VPS9D1: variants seen among roughly 807,000 people sequenced by gnomAD.
VPS9D1 encodes the protein VPS9 domain containing 1, also known as VPS9 domain-containing protein 1.
Under a neutral mutation model 75.8 loss-of-function variants are expected in VPS9D1, and 78 were observed. That is an observed-to-expected ratio of 1.03 (90% CI 0.86 to 1.24). The LOEUF is 1.24. Ranked by LOEUF, VPS9D1 falls within the 50% of genes most tolerant of loss-of-function variation. The pLI, the probability that VPS9D1 is intolerant of heterozygous loss-of-function variation, is 0.00. For missense variants in VPS9D1, 1,057 were observed against 847.7 expected, an observed-to-expected ratio of 1.25 and a Z score of -3.07; for synonymous variants, 481 against 385.6, an observed-to-expected ratio of 1.25 and a Z score of -2.90.
At chr16:89,708,744 T>C in intron 13 of VPS9D1, 113 bp downstream of exon 13, 1 of 1,250,690 alleles carries the variant, frequency 8.0e-7, no homozygotes, top group East Asian at 2.5e-5. Flanking sequence ...CTCCTGCTTC[T>C]ACAGTGCAGC....
chr16:89,709,059 G>A, intron 12 of VPS9D1, 103 bp from the exon 13 acceptor site: 2 of 1,265,108 alleles, frequency 1.6e-6, no homozygotes, highest in Non-Finnish European at 2.1e-6. Flanking sequence ...GCACGGCTGG[G>A]AAGAGCCACG....
At chr16:89,720,626 G>T (rs1437818168) in intron 1 of VPS9D1, 137 bp downstream of exon 1, 7 of 1,225,914 alleles carry the variant, frequency 5.7e-6, no homozygotes, top group Non-Finnish European at 7.1e-6. Context: ...CCTCGCCCGG[G>T]AACCGCGGCC....
rs1246946774 is a variant in VPS9D1, at chr16:89,710,899, G to C, written c.945C>G (p.Pro315=). 3 of 1,496,632 alleles carry C rather than the reference G, an allele frequency of 2.0e-6. No individual in the cohort carries two copies. The highest frequency in any genetic ancestry group is 2.5e-5 in the East Asian group (1 of 40,432). The allele number at this position is 1,496,632 out of a possible 1,614,324, so 92.7% of individuals were successfully genotyped here. The change falls in exon 10 of 15, where the codon CCC becomes CCG. Residue 315 remains proline (P), a synonymous_variant. Coordinates refer to ENST00000389386, the MANE Select transcript of VPS9D1 (RefSeq NM_004913.3). ...GTCGGCTTCCGGGGTTGGGGGTCGG[G>C]GGGCAGCAGCCTGGGGCTGGCGCGG... is the stretch of plus-strand genomic sequence containing the variant. ...RAAAPAPGCC[P]PTPNPGSRRL...
intron 4 of VPS9D1, among the ~76,000 whole-genome samples, chr16:89,714,746 T>C (rs1417023606): frequency 8.5e-5 from 13 of 152,118 alleles, no homozygotes; most frequent in African/African-American, 3.1e-4. Flanking sequence ...TCTTTCTTCT[T>C]TTTTTTTGAG....
At chr16:89,710,211 G>C (rs137954402) in intron 10 of VPS9D1, among the ~76,000 whole-genome samples, 7 of 152,294 alleles carry the variant, frequency 4.6e-5, no homozygotes, top group African/African-American at 1.7e-4. Context: ...CCTGTGGGTG[G>C]GGACCCTGAC....
At chr16:89,718,801 G>C (rs945720887) in intron 2 of VPS9D1, among the ~76,000 whole-genome samples, 2 of 150,192 alleles carry the variant, frequency 1.3e-5, no homozygotes, top group Admixed American at 1.3e-4. Flanking sequence ...TGCAACCTCT[G>C]CTCCCGGGTT....
chr16:89,714,834 A>T (rs1392690205), intron 4 of VPS9D1, among the ~76,000 whole-genome samples: 1 of 152,042 alleles, frequency 6.6e-6, no homozygotes. Flanking sequence ...TCCTGGGTTC[A>T]AGCGATTCTC....
At chr16:89,711,623 C>G (rs547310586) in intron 8 of VPS9D1, 5 of 646,634 alleles carry the variant, frequency 7.7e-6, no homozygotes, top group Middle Eastern at 4.2e-4. Context: ...CTCGCTGGGA[C>G]CCTCCCTCCT....
At chr16:89,714,574 T>G (rs560526684) in intron 4 of VPS9D1, among the ~76,000 whole-genome samples, 1 of 152,176 alleles carries the variant, frequency 6.6e-6, no homozygotes. Context: ...ACAAGGGGAC[T>G]GGGAAGCCAG....
chr16:89,720,267 A>T, intron 1 of VPS9D1: 1 of 413,568 alleles, frequency 2.4e-6, no homozygotes, highest in Non-Finnish European at 3.2e-6. Flanking sequence ...CGCCAACCTT[A>T]GATTCGGCCC....
chr16:89,711,540 A>C, intron 8 of VPS9D1, 128 bp from the exon 9 acceptor site: 1 of 940,122 alleles, frequency 1.1e-6, no homozygotes, highest in South Asian at 1.7e-5. Flanking sequence ...ACCCAGCGCC[A>C]GCAGGCCCCG....
At position 89,720,790 on chromosome 16, in the gene VPS9D1, G is replaced by T. The variant is rs546341547; in HGVS notation, c.72C>A (p.Ile24=). The stretch of plus-strand genomic sequence containing the variant: ...GGGGCCGGTTGCCGGTGTCCAGCTC[G>T]ATGGCCCCGTTGGCAAGCTTCATGG... The part of the protein sequence containing the change: ...QSAMKLANGA[I]ELDTGNRPRE... Residue 24 remains isoleucine (I), a synonymous_variant, in exon 1 of 15, where the codon ATC becomes ATA. Transcript: ENST00000389386. 1.2e-5 allele frequency: 18 copies of T among 1,459,676 alleles called. No homozygotes were observed. The highest frequency in any genetic ancestry group is 1.6e-5 in the Non-Finnish European group (18 of 1,102,658). 90.4% of individuals were successfully genotyped at this position (1,459,676 alleles called of 1,614,324 possible).
At chr16:89,717,574 C>T in intron 2 of VPS9D1, 1 of 456,550 alleles carries the variant, frequency 2.2e-6, no homozygotes, top group South Asian at 1.5e-5. Flanking sequence ...CCCTGCTGCC[C>T]TTCACAGAAA....
At chr16:89,718,115 G>A (rs2061132917) in intron 2 of VPS9D1, 1 of 451,948 alleles carries the variant, frequency 2.2e-6, no homozygotes, top group Admixed American at 2.4e-5. Context: ...GTGATCCTTT[G>A]TGCAGCGGCT....
In VPS9D1 at chr16:89,720,845, C is replaced by G. The variant is rs1423610719; in HGVS notation, c.17G>C (p.Gly6Ala). ...CTGCAGCGGCTTCACCGTGCCGTCC[C>G]CGGCCGCAGCGGCCATGGCGCCGAG... Reference protein sequence around the residue: MAAAAGDGTVKPLQSA... With the variant: MAAAAADGTVKPLQSA... Residue 6 changes from glycine (G) to alanine (A), a missense_variant, in exon 1 of 15, where the codon GGG becomes GCG. Gly to Ala is a moderately conservative substitution (Grantham distance 60, BLOSUM62 0). Transcript: ENST00000389386. The G allele has an allele frequency of 4.2e-6, 6 of 1,424,038 alleles. No homozygotes were observed. The Admixed American group carries it at 1.3e-4, about 31-fold the overall frequency. The allele number at this position is 1,424,038 out of a possible 1,614,324, so 88.2% of individuals were successfully genotyped here. A position where few individuals can be genotyped will look rare whatever the true frequency, so the allele number is the denominator to read the frequency against.
chr16:89,709,015 C>A (rs899241838), intron 12 of VPS9D1, 59 bp from the exon 13 acceptor site: 1 of 1,374,038 alleles, frequency 7.3e-7, no homozygotes, highest in East Asian at 2.8e-5. Flanking sequence ...TGAGCCACCC[C>A]TTATACCCCG....
rs2060840061 is a variant in VPS9D1 at position 89,708,504 on chromosome 16, C to T, written c.1725G>A (p.Leu575=). 6.2e-7 allele frequency: 1 copy of T among 1,613,146 alleles called. No homozygotes were observed. Among genetic ancestry groups the T allele is most frequent in the Non-Finnish European group, 8.5e-7 (1 of 1,179,908 alleles). The part of the protein sequence containing the change: ...AIGADDLLPI[L]SFVVLRSGLP... ...GGCCGCTCCTCAGCACCACGAAGGA[C>T]AGGATGGGCAGCAGGTCATCGGCAC... The change falls in exon 14 of 15, where the codon CTG becomes CTA. Residue 575 remains leucine, a synonymous_variant. Transcript: ENST00000389386.
intron 4 of VPS9D1, 24 bp from the exon 5 acceptor site, chr16:89,712,740 C>A: frequency 6.7e-7 from 1 of 1,486,710 alleles, no homozygotes; most frequent in South Asian, 1.3e-5. Context: ...AAGCTGCTGT[C>A]TAGACCCCAG....
In VPS9D1 at chr16:89,709,717, C is replaced by T; in HGVS notation, c.1388+60G>A. On this transcript the variant is annotated intron_variant, in intron 11 of 14. Coordinates refer to ENST00000389386, the MANE Select transcript of VPS9D1 (RefSeq NM_004913.3). ...AGTGCCAGGGAGCAGGGCAGGCCTCCTGGGGGACTGGGCTGGAAGACACTA... is the reference window on the plus strand; with the variant it reads ...AGTGCCAGGGAGCAGGGCAGGCCTCTTGGGGGACTGGGCTGGAAGACACTA... 3 of 1,610,276 alleles carry T rather than the reference C, an allele frequency of 1.9e-6. No homozygotes were observed. In the South Asian group the frequency reaches 3.3e-5, roughly 18 times the overall value.
Sources: gnomAD v4.1 joint callset for allele counts (sites outside exome capture counted in the v4.1 genomes callset) on GRCh38, gnomAD v4.1.1 for gene constraint, MANE v1.5 for transcripts, NCBI Gene and HGNC (gene_info 2026-07-23, HGNC 2026-07-21) for gene names.